Variants in IGFL2 observed in about 807,000 individuals in gnomAD.
The protein encoded by IGFL2 is IGF like family member 2.
A neutral mutation model predicts 13.9 loss-of-function variants in IGFL2; 7 were observed. The ratio of observed to expected loss-of-function variants is 0.51; its 90% CI spans 0.29 to 0.95. IGFL2 has a LOEUF of 0.95. Among genes scored for constraint, IGFL2 ranks in the 40% least tolerant of loss-of-function variants. The probability of loss-of-function intolerance (pLI) is 0.08; values close to 1 mark genes in which losing one functional copy is unlikely to be tolerated. For synonymous variants in IGFL2, 55 were observed against 55.8 expected, an observed-to-expected ratio of 0.99 and a Z score of 0.07; for missense variants, 138 against 147.8, an observed-to-expected ratio of 0.93 and a Z score of 0.34.
At chr19:46,087,956 A>C in the IGFL2 span, among the ~76,000 whole-genome samples, 2 of 152,152 alleles carry the variant, frequency 1.3e-5, no homozygotes, top group Non-Finnish European at 2.9e-5. Flanking sequence ...TCATTGGAGC[A>C]ATGCCATAGT....
the IGFL2 span, among the ~76,000 whole-genome samples, chr19:46,175,549 T>A: frequency 6.8e-6 from 1 of 146,510 alleles, no homozygotes; most frequent in Non-Finnish European, 1.5e-5. Context: ...TTTGTGCAAT[T>A]TTTTTTTTTA....
the IGFL2 span, among the ~76,000 whole-genome samples, chr19:46,084,891 G>A: frequency 0.013 from 2,049 of 152,156 alleles, 32 homozygotes; most frequent in Middle Eastern, 0.027. Flanking sequence ...TCCTTTTCAC[G>A]TTGCAAAATA....
At chr19:46,127,013 CT>C in the IGFL2 span, among the ~76,000 whole-genome samples, 1 of 152,188 alleles carries the variant, frequency 6.6e-6, no homozygotes, top group Non-Finnish European at 1.5e-5. Context: ...TGAAGACACA[CT>C]TGAAAAGCTC....
the IGFL2 span, among the ~76,000 whole-genome samples, chr19:46,082,405 C>T: frequency 6.6e-6 from 1 of 152,150 alleles, no homozygotes; most frequent in South Asian, 2.1e-4. Flanking sequence ...TCTTGATCCC[C>T]ACAGGGTGGA....
At chr19:46,118,523 C>T in the IGFL2 span, among the ~76,000 whole-genome samples, 1 of 152,216 alleles carries the variant, frequency 6.6e-6, no homozygotes, top group Non-Finnish European at 1.5e-5. Context: ...AAACCCCGGA[C>T]TCATTAGGGC....
At chr19:46,205,521 A>C in the IGFL2 span, among the ~76,000 whole-genome samples, 1 of 152,124 alleles carries the variant, frequency 6.6e-6, no homozygotes, top group Non-Finnish European at 1.5e-5. Flanking sequence ...TGTGGGCCCT[A>C]TGGAAATCAG....
chr19:46,111,387 G>C, the IGFL2 span: 4 of 152,262 alleles, frequency 2.6e-5, no homozygotes, highest in East Asian at 7.7e-4. Flanking sequence ...ATATCTGTTG[G>C]ATATTCTGGT....
chr19:46,148,424 C>T, intron 1 of IGFL2, 127 bp downstream of exon 1: 1 of 826,036 alleles, frequency 1.2e-6, no homozygotes, highest in Non-Finnish European at 2.0e-6. Context: ...CACCCGTGTC[C>T]TCTCTGACTG....
the IGFL2 span, among the ~76,000 whole-genome samples, chr19:46,197,769 C>T: frequency 2.0e-5 from 3 of 152,096 alleles, no homozygotes; most frequent in African/African-American, 4.8e-5. Flanking sequence ...TGGGTTCAAA[C>T]GATCCTCCCT....
At chr19:46,167,236 C>T in the IGFL2 span, among the ~76,000 whole-genome samples, 29 of 152,344 alleles carry the variant, frequency 1.9e-4, no homozygotes, top group Admixed American at 1.7e-3. Flanking sequence ...CTTCCCGCAA[C>T]AGGTACCCTT....
the IGFL2 span, chr19:46,136,990 C>A: frequency 6.5e-7 from 1 of 1,540,214 alleles, no homozygotes; most frequent in East Asian, 2.3e-5. Flanking sequence ...CCCACACCAA[C>A]TGACTGGCAG....
the IGFL2 span, among the ~76,000 whole-genome samples, chr19:46,112,726 C>T: frequency 4.6e-5 from 7 of 152,192 alleles, no homozygotes; most frequent in African/African-American, 1.2e-4. Flanking sequence ...GACAGCTTGT[C>T]GCTGTGATGG....
rs776087182 is a variant in IGFL2, at chr19:46,160,701, A to G, written c.161A>G (p.Asn54Ser). Residue 54 changes from asparagine (N) to serine (S), a missense_variant, in exon 3 of 4, where the codon AAT becomes AGT. Physicochemically the swap from Asn to Ser is conservative, Grantham distance 46. Coordinates refer to ENST00000377693, the MANE Select transcript of IGFL2 (RefSeq NM_001135113.2). ...AACCCCTTGGAGCAGTGCTGTTACA[A>G]TGACGCCATCGTGTCCCTGAGCGAG... ...IYNPLEQCCY[N>S]DAIVSLSETR... 1.5e-5 allele frequency: 25 copies of G among 1,614,150 alleles called. No individual in the cohort carries two copies. In the Admixed American group the frequency reaches 3.0e-4, roughly 19 times the overall value.
At chr19:46,140,205 C>A (rs987715205), upstream of IGFL2, among the ~76,000 whole-genome samples, 1 of 151,228 alleles carries the variant, frequency 6.6e-6, no homozygotes, top group African/African-American at 2.4e-5. Context: ...CCTCAGCCTC[C>A]GAAGTGCTGG....
the IGFL2 span, chr19:46,101,287 C>T: frequency 6.6e-6 from 1 of 152,656 alleles, no homozygotes; most frequent in Non-Finnish European, 1.5e-5. Flanking sequence ...GAAACCCACT[C>T]ATCTGGGCTG....
chr19:46,175,611 C>G, the IGFL2 span, among the ~76,000 whole-genome samples: 1 of 152,094 alleles, frequency 6.6e-6, no homozygotes, highest in African/African-American at 2.4e-5. Context: ...GATCTCTACT[C>G]AGCTGCAACC....
At chr19:46,191,794 T>A in the IGFL2 span, among the ~76,000 whole-genome samples, 1 of 152,182 alleles carries the variant, frequency 6.6e-6, no homozygotes, top group African/African-American at 2.4e-5. Context: ...CATTAAATAT[T>A]AGCTCTCTTC....
chr19:46,132,217 T>C, the IGFL2 span, among the ~76,000 whole-genome samples: 1 of 152,148 alleles, frequency 6.6e-6, no homozygotes, highest in African/African-American at 2.4e-5. Flanking sequence ...TGGGTTCTCT[T>C]TTTCTGAGCA....
At chr19:46,130,724 T>C in the IGFL2 span, among the ~76,000 whole-genome samples, 48 of 152,330 alleles carry the variant, frequency 3.2e-4, no homozygotes, top group African/African-American at 1.1e-3. Context: ...ATTATTTTTA[T>C]GTTTAATGAT....
Sources: allele counts gnomAD v4.1 joint callset (sites outside exome capture counted in the v4.1 genomes callset), GRCh38; gene constraint gnomAD v4.1.1; transcripts MANE v1.5; gene names NCBI Gene and HGNC (gene_info 2026-07-23, HGNC 2026-07-21).